The following PATJ variants were observed in gnomAD, a reference collection of about 807,000 sequenced individuals.
PATJ encodes the protein PATJ crumbs cell polarity complex component, also known as inaD-like protein.
Under a neutral mutation model 224.9 loss-of-function variants are expected in PATJ, and 190 were observed. That is an observed-to-expected ratio of 0.84 (90% confidence interval 0.75 to 0.95). PATJ has a LOEUF of 0.95. Ranked by LOEUF, PATJ falls within the 40% of genes least tolerant of loss-of-function variation. The pLI is 0.00. For synonymous variants in PATJ, 769 were observed against 820.3 expected (o/e 0.94, Z 1.07); for missense variants, 2,121 against 2,270.3 (o/e 0.93, Z 1.34).
intron 29 of PATJ, among the ~76,000 whole-genome samples, chr1:62,033,536 G>C (rs934396644): frequency 6.6e-6 from 1 of 152,206 alleles, no homozygotes; most frequent in African/African-American, 2.4e-5. Context: ...CTCTGGGAGA[G>C]AGAATTTGCC....
chr1:62,017,071 A>T (rs1430404694), intron 28 of PATJ, among the ~76,000 whole-genome samples: 1 of 152,228 alleles, frequency 6.6e-6, no homozygotes, highest in East Asian at 1.9e-4. Context: ...GATTTTTGAT[A>T]GCTGTTTAGA....
chr1:61,955,850 A>G (rs1571492530), intron 27 of PATJ, among the ~76,000 whole-genome samples: 3 of 152,204 alleles, frequency 2.0e-5, no homozygotes, highest in Non-Finnish European at 2.9e-5. Context: ...AATCCATTTC[A>G]TTAGTGAAGC....
intron 27 of PATJ, among the ~76,000 whole-genome samples, chr1:61,969,778 C>A (rs1303000801): frequency 6.6e-6 from 1 of 152,134 alleles, no homozygotes; most frequent in African/African-American, 2.4e-5. Flanking sequence ...ATTGCAACCT[C>A]CACCTCCTGG....
chr1:62,050,868 A>C, intron 30 of PATJ, 98 bp from the exon 31 acceptor site: 1 of 864,452 alleles, frequency 1.2e-6, no homozygotes, highest in Non-Finnish European at 1.9e-6. Flanking sequence ...TATCCACCAC[A>C]ACCATATGAT....
At chr1:61,938,090 G>A (rs1157317737) in intron 27 of PATJ, among the ~76,000 whole-genome samples, 1 of 152,014 alleles carries the variant, frequency 6.6e-6, no homozygotes, top group East Asian at 1.9e-4. Context: ...CTTTGTTTTG[G>A]GGCAGTCCTT....
At chr1:62,012,169 A>AGCTCACTTT (rs11283102) in intron 28 of PATJ, among the ~76,000 whole-genome samples, 64,164 of 151,878 alleles carry the variant, frequency 0.42, 13,745 homozygotes, top group African/African-American at 0.47. Context: ...TAGAGTGACC[A>AGCTCACTTT]TCTGTTCTTG....
At chr1:62,058,749 T>G (rs1018742907) in intron 31 of PATJ, among the ~76,000 whole-genome samples, 1 of 152,180 alleles carries the variant, frequency 6.6e-6, no homozygotes, top group African/African-American at 2.4e-5. Context: ...TCAGTACACA[T>G]TTTGTTAGAA....
At chr1:61,952,154 G>A (rs1373728043) in intron 27 of PATJ, 1 of 464,720 alleles carries the variant, frequency 2.2e-6, no homozygotes, top group Non-Finnish European at 3.9e-6. Flanking sequence ...TGCTGACAGA[G>A]GTGACTGTTT....
At chr1:61,899,418 A>G (rs534799052) in intron 22 of PATJ, among the ~76,000 whole-genome samples, 165 bp from the exon 23 acceptor site, 1 of 152,276 alleles carries the variant, frequency 6.6e-6, no homozygotes, top group South Asian at 2.1e-4. Context: ...ATGTTAAAGC[A>G]ATATATTTTT....
At chr1:62,024,916 T>C (rs1389918722) in intron 29 of PATJ, among the ~76,000 whole-genome samples, 1 of 152,176 alleles carries the variant, frequency 6.6e-6, no homozygotes, top group Non-Finnish European at 1.5e-5. Flanking sequence ...CACAGTGCCC[T>C]GGCCAGACAC....
chr1:61,936,845 G>GC (rs1243373976), intron 27 of PATJ, among the ~76,000 whole-genome samples: 4 of 152,060 alleles, frequency 2.6e-5, no homozygotes, highest in Non-Finnish European at 5.9e-5. Flanking sequence ...AAAGTGATGG[G>GC]ATTACAGGTA....
At chr1:61,850,839 G>A (rs907506135) in intron 17 of PATJ, among the ~76,000 whole-genome samples, 4 of 152,192 alleles carry the variant, frequency 2.6e-5, no homozygotes, top group African/African-American at 9.7e-5. Flanking sequence ...AATTAAATGG[G>A]TTCAAATAAA....
intron 20 of PATJ, among the ~76,000 whole-genome samples, chr1:61,871,453 ATGCG>A (rs1307848167): frequency 1.0e-5 from 1 of 96,678 alleles, no homozygotes; most frequent in Non-Finnish European, 2.2e-5. Context: ...ACACATATAT[ATGCG>A]TATATATATG....
intron 41 of PATJ, among the ~76,000 whole-genome samples, chr1:62,133,007 A>AT (rs1472069679): frequency 2.0e-5 from 3 of 152,180 alleles, no homozygotes; most frequent in African/African-American, 7.2e-5. Flanking sequence ...GATTGAGTAG[A>AT]TTTTTAAAAC....
chr1:61,746,829 A>T (rs1296907558), intron 1 of PATJ, among the ~76,000 whole-genome samples: 1 of 152,254 alleles, frequency 6.6e-6, no homozygotes, highest in African/African-American at 2.4e-5. Context: ...AACCACTAAT[A>T]ACATTAGGAT....
intron 37 of PATJ, among the ~76,000 whole-genome samples, chr1:62,120,204 A>G (rs1261527594): frequency 6.6e-6 from 1 of 152,210 alleles, no homozygotes; most frequent in Admixed American, 6.5e-5. Context: ...ATAAATGGCT[A>G]TGTGATAAAG....
chr1:61,910,721 T>C lies in PATJ; in HGVS notation c.3492+2239T>C, dbSNP rs116081175. On this transcript the variant is annotated intron_variant, in intron 25 of 43. Coordinates refer to ENST00000642238, the MANE Select transcript of PATJ (RefSeq NM_001350145.3). ...ATCACCATGCCCAGCTAGTTTTTGA[T>C]TTTTTTCCCGCAGACAGGGTCTCCC... Among the ~76,000 whole-genome samples, 376 of 151,660 alleles carry C rather than the reference T, an allele frequency of 2.5e-3. 1 individual carries two copies. Among genetic ancestry groups the C allele is most frequent in the Non-Finnish European group, 4.7e-3 (317 of 67,882 alleles).
intron 17 of PATJ, among the ~76,000 whole-genome samples, chr1:61,842,389 G>A (rs530672882): frequency 6.6e-6 from 1 of 152,158 alleles, no homozygotes; most frequent in African/African-American, 2.4e-5. Flanking sequence ...TGTCTAGTGG[G>A]GGCGAAAGAG....
chr1:61,763,210 A>G, intron 3 of PATJ, 31 bp downstream of exon 3: 2 of 1,283,584 alleles, frequency 1.6e-6, no homozygotes, highest in South Asian at 1.6e-5. Context: ...TTACATTAAT[A>G]TATTATATTA....
Sources: allele counts gnomAD v4.1 joint callset (sites outside exome capture counted in the v4.1 genomes callset), GRCh38; gene constraint gnomAD v4.1.1; transcripts MANE v1.5; gene names NCBI Gene and HGNC (gene_info 2026-07-23, HGNC 2026-07-21).